PLXDC2: variants seen among roughly 807,000 people sequenced by gnomAD.
PLXDC2 encodes the protein plexin domain-containing protein 2.
PLXDC2 carries 40 observed loss-of-function variants against 68.9 expected under a neutral mutation model. The ratio of observed to expected loss-of-function variants is 0.58; its 90% CI spans 0.45 to 0.76. The LOEUF (loss-of-function observed/expected upper bound fraction) is 0.76. Among genes scored for constraint, PLXDC2 ranks in the 30% least tolerant of loss-of-function variants. PLXDC2 has a pLI of 0.00. For missense variants in PLXDC2, 644 were observed against 661.9 expected (o/e 0.97, Z 0.30); for synonymous variants, 243 against 234.2 (o/e 1.04, Z -0.34).
chr10:19,863,083 A>G (rs1311676491), intron 1 of PLXDC2, among the ~76,000 whole-genome samples: 1 of 152,144 alleles, frequency 6.6e-6, no homozygotes, highest in Non-Finnish European at 1.5e-5. Context: ...GGTGATTTTA[A>G]TCTTTACCAT....
intron 1 of PLXDC2, among the ~76,000 whole-genome samples, chr10:19,845,262 G>A (rs1238058505): frequency 1.3e-5 from 2 of 152,130 alleles, no homozygotes; most frequent in African/African-American, 2.4e-5. Flanking sequence ...AAACGTGTAG[G>A]ATTTGTTTTT....
intron 1 of PLXDC2, among the ~76,000 whole-genome samples, chr10:19,923,857 A>G (rs978943959): frequency 4.6e-5 from 7 of 152,332 alleles, no homozygotes; most frequent in African/African-American, 1.7e-4. Context: ...TGAGCCCACG[A>G]GTTCAAGACC....
intron 9 of PLXDC2, among the ~76,000 whole-genome samples, chr10:20,197,605 C>G (rs975899527): frequency 6.6e-6 from 1 of 152,126 alleles, no homozygotes; most frequent in Non-Finnish European, 1.5e-5. Flanking sequence ...ATCCACCCAC[C>G]TTGGCCTCCC....
chr10:19,839,914 TCAAA>T (rs1836872463), intron 1 of PLXDC2, among the ~76,000 whole-genome samples: 1 of 152,210 alleles, frequency 6.6e-6, no homozygotes, highest in Non-Finnish European at 1.5e-5. Flanking sequence ...ATTTAGATCT[TCAAA>T]CAATCTAAAA....
chr10:20,101,429 T>G (rs1021395183), intron 4 of PLXDC2, among the ~76,000 whole-genome samples: 10 of 152,242 alleles, frequency 6.6e-5, no homozygotes, highest in Non-Finnish European at 1.5e-4. Flanking sequence ...TGAAGTTTCC[T>G]GTTTTCTCTC....
intron 3 of PLXDC2, among the ~76,000 whole-genome samples, chr10:20,054,212 G>A (rs193028053): frequency 2.9e-4 from 44 of 152,082 alleles, no homozygotes; most frequent in African/African-American, 9.9e-4. Flanking sequence ...TTTTACTGAA[G>A]GAGGGTCAGG....
intron 1 of PLXDC2, among the ~76,000 whole-genome samples, chr10:19,987,598 G>C (rs1014810126): frequency 6.7e-6 from 1 of 150,304 alleles, no homozygotes; most frequent in Admixed American, 6.6e-5. Context: ...ATCTCGTTCT[G>C]TCACCCAGGC....
chr10:19,839,398 G>A (rs941693646), intron 1 of PLXDC2, among the ~76,000 whole-genome samples: 8 of 152,110 alleles, frequency 5.3e-5, no homozygotes, highest in African/African-American at 1.9e-4. Context: ...GCTATCTTCA[G>A]TGTTAGTGAG....
Position 20,264,800 on chromosome 10 carries a change from A to G in PLXDC2, c.1474-14903A>G, listed in dbSNP as rs73605621. 5.9e-3 allele frequency among the ~76,000 whole-genome samples: 904 copies of G among 152,190 alleles called. 8 individuals carry two copies. Among genetic ancestry groups the G allele is most frequent in the African/African-American group, 0.021 (857 of 41,560 alleles). ...TTAAGTTTGTCAAAGAAGCTTCAAC[A>G]TCTGGATAATAGGAAAGAAAAAAAC... On this transcript the variant is annotated intron_variant, in intron 13 of 13. Transcript: ENST00000377252.
intron 3 of PLXDC2, among the ~76,000 whole-genome samples, chr10:20,067,532 A>G (rs1285636405): frequency 6.6e-6 from 1 of 152,040 alleles, no homozygotes; most frequent in Admixed American, 6.6e-5. Context: ...CTAAAAATAC[A>G]ATAAATTAGT....
chr10:19,911,062 C>T (rs780024367), intron 1 of PLXDC2, among the ~76,000 whole-genome samples: 33 of 93,364 alleles, frequency 3.5e-4, no homozygotes, highest in Middle Eastern at 6.8e-3. Flanking sequence ...TATGCCTCAT[C>T]TCGTTCTCAA....
chr10:19,825,795 T>C (rs1276200356), intron 1 of PLXDC2, among the ~76,000 whole-genome samples: 1 of 152,230 alleles, frequency 6.6e-6, no homozygotes, highest in African/African-American at 2.4e-5. Flanking sequence ...TGCTGAATTC[T>C]TTCCAACATA....
intron 1 of PLXDC2, among the ~76,000 whole-genome samples, chr10:19,991,338 T>C (rs1834747391): frequency 7.3e-6 from 1 of 136,062 alleles, no homozygotes; most frequent in Non-Finnish European, 1.6e-5. Flanking sequence ...CTATTTCTCA[T>C]CATTTTCCCT....
intron 1 of PLXDC2, among the ~76,000 whole-genome samples, chr10:19,842,735 G>T (rs1464943444): frequency 6.6e-6 from 1 of 152,204 alleles, no homozygotes; most frequent in Non-Finnish European, 1.5e-5. Context: ...GAAGAAGGAT[G>T]TAGGTCTTAA....
intron 1 of PLXDC2, among the ~76,000 whole-genome samples, chr10:19,965,399 G>A (rs764814504): frequency 2.0e-5 from 3 of 152,180 alleles, no homozygotes; most frequent in Non-Finnish European, 4.4e-5. Flanking sequence ...TACTGCCATT[G>A]AACAGGTGGA....
intron 1 of PLXDC2, among the ~76,000 whole-genome samples, chr10:19,977,263 A>G (rs1003698382): frequency 1.3e-5 from 2 of 152,182 alleles, no homozygotes; most frequent in Admixed American, 6.5e-5. Flanking sequence ...CACTAAATGT[A>G]TGGACTCTGA....
At chr10:19,943,351 T>C (rs1833849188) in intron 1 of PLXDC2, among the ~76,000 whole-genome samples, 1 of 152,240 alleles carries the variant, frequency 6.6e-6, no homozygotes, top group African/African-American at 2.4e-5. Flanking sequence ...ATGTTCTGTA[T>C]AATCTACTTT....
intron 1 of PLXDC2, among the ~76,000 whole-genome samples, chr10:19,960,221 C>T (rs1484308230): frequency 6.9e-6 from 1 of 144,756 alleles, no homozygotes; most frequent in South Asian, 2.2e-4. Context: ...AAAAATTAGC[C>T]AGGGTGGTAG....
At chr10:20,149,378 A>G (rs1385640455) in intron 6 of PLXDC2, among the ~76,000 whole-genome samples, 1 of 151,356 alleles carries the variant, frequency 6.6e-6, no homozygotes, top group Admixed American at 6.6e-5. Flanking sequence ...AACTGGGATT[A>G]CAGGCATGCA....
Sources: gnomAD v4.1 joint callset for allele counts (sites outside exome capture counted in the v4.1 genomes callset) on GRCh38, gnomAD v4.1.1 for gene constraint, MANE v1.5 for transcripts, NCBI Gene and HGNC (gene_info 2026-07-23, HGNC 2026-07-21) for gene names.